CRAMP1: variants seen among roughly 807,000 people sequenced by gnomAD.
CRAMP1 encodes cramped chromatin regulator 1.
In CRAMP1, 50 loss-of-function variants were observed where a neutral mutation model predicts 115.4. The ratio of observed to expected loss-of-function variants is 0.43; its 90% CI spans 0.35 to 0.55. CRAMP1 has a LOEUF of 0.55. Among genes scored for constraint, CRAMP1 ranks in the 20% least tolerant of loss-of-function variants. The probability of loss-of-function intolerance (pLI) is 0.01; values close to 1 mark genes in which losing one functional copy is unlikely to be tolerated. For missense variants in CRAMP1, 1,679 were observed against 1,721.7 expected, an observed-to-expected ratio of 0.98 and a Z score of 0.44; for synonymous variants, 866 against 745.4, an observed-to-expected ratio of 1.16 and a Z score of -2.64.
At chr16:1,665,826 G>C in intron 14 of CRAMP1, 1 of 525,010 alleles carries the variant, frequency 1.9e-6, no homozygotes, top group Non-Finnish European at 3.4e-6. Context: ...CAGGATGACA[G>C]TGGTGACCGC....
intron 14 of CRAMP1, chr16:1,665,863 C>T: frequency 1.8e-6 from 1 of 570,844 alleles, no homozygotes. Context: ...CTGGGAGGCA[C>T]AGTGGTGGGT....
intron 3 of CRAMP1, among the ~76,000 whole-genome samples, chr16:1,631,851 C>T (rs1422375693): frequency 6.6e-6 from 1 of 152,254 alleles, no homozygotes; most frequent in Non-Finnish European, 1.5e-5. Flanking sequence ...AACTGCTTCT[C>T]TTCCAGAGCT....
Position 1,672,187 on chromosome 16 carries a change from A to G in CRAMP1, c.3645+1378A>G, listed in dbSNP as rs146653907. ...AATCCAGAGTGTTAGCCTCACCCCA[A>G]TCAGAATTTGCACCTTTAATAAAAT... On this transcript the variant is annotated intron_variant, in intron 20 of 20. Coordinates refer to ENST00000397412, the MANE Select transcript of CRAMP1 (RefSeq NM_020825.4). This position sits in a 1 kb window ranked among gnomAD's most constrained non-coding sequence, Gnocchi z 4.9. Among the ~76,000 whole-genome samples the G allele has an allele frequency of 1.1e-3, 163 of 152,290 alleles. 1 individual carries two copies. Among genetic ancestry groups the G allele is most frequent in the African/African-American group, 3.8e-3 (157 of 41,564 alleles).
chr16:1,619,175 GTTTTTTGTTTT>G (rs1463047688), intron 2 of CRAMP1, among the ~76,000 whole-genome samples: 5 of 152,120 alleles, frequency 3.3e-5, no homozygotes, highest in Non-Finnish European at 7.4e-5. Flanking sequence ...GCGGGGTTTT[GTTTTTTGTTTT>G]TGTTTTGTTT....
chr16:1,636,429 G>A (rs2036589209), intron 4 of CRAMP1, among the ~76,000 whole-genome samples: 2 of 152,130 alleles, frequency 1.3e-5, no homozygotes, highest in African/African-American at 2.4e-5. Context: ...TAGGTCTTAG[G>A]TCTTTCTCTC....
At chr16:1,616,631 CAGA>C (rs2036422518) in intron 2 of CRAMP1, among the ~76,000 whole-genome samples, 1 of 152,194 alleles carries the variant, frequency 6.6e-6, no homozygotes, top group East Asian at 1.9e-4. Flanking sequence ...TGCTAAGGTG[CAGA>C]AGGTTTCCTG....
At chr16:1,664,114 G>C (rs1231483417) in intron 13 of CRAMP1, among the ~76,000 whole-genome samples, 1 of 152,218 alleles carries the variant, frequency 6.6e-6, no homozygotes, top group Non-Finnish European at 1.5e-5. Context: ...CAAAGGGTCA[G>C]AACTGCAGCG....
chr16:1,660,205 G>C lies in CRAMP1; in HGVS notation c.2413+142G>C, dbSNP rs999027274. 10 of 688,050 alleles carry C rather than the reference G, an allele frequency of 1.5e-5. No homozygotes were observed. The African/African-American group carries it at 1.8e-4, about 13-fold the overall frequency. 42.6% of individuals were successfully genotyped at this position (688,050 alleles called of 1,614,324 possible). A position where few individuals can be genotyped will look rare whatever the true frequency, so the allele number is the denominator to read the frequency against. The stretch of plus-strand genomic sequence containing the variant: ...AGCTCGCCACTATCCAGATGACAGG[G>C]TGAAGGTGCAGAATCACTGCCTCCT... On this transcript the variant is annotated intron_variant, in intron 11 of 20. Coordinates refer to ENST00000397412, the MANE Select transcript of CRAMP1 (RefSeq NM_020825.4).
At position 1,645,331 on chromosome 16, in the gene CRAMP1, C is replaced by T. The variant is rs146229230; in HGVS notation, c.827+4144C>T. ...CTTCCCGACTAGCTGGGATTACAGGCGCCCACCACCACGCCCGGCTAATTT... is the reference window on the plus strand; with the variant it reads ...CTTCCCGACTAGCTGGGATTACAGGTGCCCACCACCACGCCCGGCTAATTT... On this transcript the variant is annotated intron_variant, in intron 6 of 20. Transcript: ENST00000397412. The T allele has an allele frequency of 1.5e-3, 381 of 248,184 alleles. 3 individuals are homozygous for T. The East Asian group carries it at 0.049, about 32-fold the overall frequency. 15.4% of individuals were successfully genotyped at this position (248,184 alleles called of 1,614,324 possible).
intron 6 of CRAMP1, among the ~76,000 whole-genome samples, chr16:1,648,161 A>G (rs2036692478): frequency 6.6e-6 from 1 of 152,196 alleles, no homozygotes; most frequent in Non-Finnish European, 1.5e-5. Flanking sequence ...TTTAACGGAA[A>G]ATGTGATTAT....
intron 5 of CRAMP1, among the ~76,000 whole-genome samples, chr16:1,638,614 C>A (rs1246394733): frequency 6.6e-6 from 1 of 152,220 alleles, no homozygotes; most frequent in African/African-American, 2.4e-5. Context: ...AGCCCTGCTT[C>A]TTCTGCCTGA....
At chr16:1,646,467 G>C (rs929013339) in intron 6 of CRAMP1, among the ~76,000 whole-genome samples, 5 of 152,202 alleles carry the variant, frequency 3.3e-5, no homozygotes. Context: ...TCATGACACC[G>C]AGTGTCTTTC....
chr16:1,637,950 CT>C (rs1221109259), intron 5 of CRAMP1, 43 bp downstream of exon 5: 2 of 1,003,554 alleles, frequency 2.0e-6, no homozygotes, highest in Non-Finnish European at 2.8e-6. Context: ...TCCTCCTGTC[CT>C]TTGTCACCTT....
intron 3 of CRAMP1, among the ~76,000 whole-genome samples, chr16:1,627,285 A>G (rs558743543): frequency 1.3e-5 from 2 of 152,180 alleles, no homozygotes; most frequent in Admixed American, 6.5e-5. Context: ...AACTGAGACT[A>G]TAGGCACACG....
intron 3 of CRAMP1, among the ~76,000 whole-genome samples, chr16:1,629,900 C>T (rs2036536019): frequency 6.6e-6 from 1 of 151,910 alleles, no homozygotes; most frequent in South Asian, 2.1e-4. Context: ...CTTCTGTCTT[C>T]ACCTCCCTCA....
At chr16:1,670,085 A>C (rs187041967) in intron 19 of CRAMP1, among the ~76,000 whole-genome samples, 79 of 152,022 alleles carry the variant, frequency 5.2e-4, no homozygotes, top group African/African-American at 1.9e-3. Flanking sequence ...GGCAGCATAG[A>C]GAGACCTTGT....
chr16:1,617,565 T>C (rs1430846555), intron 2 of CRAMP1, among the ~76,000 whole-genome samples: 1 of 152,250 alleles, frequency 6.6e-6, no homozygotes, highest in Non-Finnish European at 1.5e-5. Context: ...TTGGAAATGA[T>C]GTAACTTCTA....
At chr16:1,615,839 C>T (rs527347084) in intron 2 of CRAMP1, among the ~76,000 whole-genome samples, 1 of 152,332 alleles carries the variant, frequency 6.6e-6, no homozygotes, top group East Asian at 1.9e-4. Context: ...AATATAACAT[C>T]AGCTTCCAGT....
intron 8 of CRAMP1, 111 bp downstream of exon 8, chr16:1,653,267 G>C: frequency 7.8e-7 from 1 of 1,289,944 alleles, no homozygotes; most frequent in South Asian, 1.4e-5. Context: ...CCACCCCTAT[G>C]CTCTGTCATC....
Sources: allele counts gnomAD v4.1 joint callset (sites outside exome capture counted in the v4.1 genomes callset), GRCh38; gene constraint gnomAD v4.1.1; non-coding constraint Gnocchi (gnomAD v3.1); transcripts MANE v1.5; gene names NCBI Gene and HGNC (gene_info 2026-07-23, HGNC 2026-07-21).